Variants in WASHC4 observed in about 807,000 individuals in gnomAD.
WASHC4 encodes WASH complex subunit 7.
In WASHC4, 86 loss-of-function variants were observed where a neutral mutation model predicts 166.6. The observed-to-expected ratio is 0.52, with a 90% CI of 0.43 to 0.62. WASHC4 has a LOEUF of 0.62. Ranked by LOEUF, WASHC4 falls within the 20% of genes least tolerant of loss-of-function variation. The pLI is 0.00. For synonymous variants in WASHC4, 446 were observed against 451.6 expected (o/e 0.99, Z 0.16); for missense variants, 1,262 against 1,382.4 (o/e 0.91, Z 1.38).
rs1880119788 is a variant in WASHC4 at position 105,115,715 on chromosome 12, T to A, written c.422T>A (p.Ile141Asn). 6.2e-7 allele frequency: 1 copy of A among 1,606,074 alleles called. No homozygotes were observed. Among genetic ancestry groups the A allele is most frequent in the African/African-American group, 1.3e-5 (1 of 74,908 alleles). ...TGCCAAATTCAAATGGGGAGATTTA[T>A]TTCATTCTTACAGGTAACTGATTTT... ...GDCQIQMGRF[I>N]SFLQELSCFV... Residue 141 changes from isoleucine (I) to asparagine (N), a missense_variant, in exon 6 of 33, where the codon ATT becomes AAT. By Grantham distance (149) the Ile-to-Asn change is moderately radical. Transcript: ENST00000332180.
intron 13 of WASHC4, among the ~76,000 whole-genome samples, chr12:105,131,500 T>C (rs901584430): frequency 6.6e-6 from 1 of 152,256 alleles, no homozygotes; most frequent in African/African-American, 2.4e-5. Context: ...TACCTAAAGC[T>C]GGCTGAATGC....
At chr12:105,148,404 C>T (rs1883485338) in intron 24 of WASHC4, 1 of 985,324 alleles carries the variant, frequency 1.0e-6, no homozygotes, top group African/African-American at 1.7e-5. Context: ...CTGTGCTGGG[C>T]ACTAGTGTGA....
At chr12:105,119,479 C>T (rs764059698) in intron 7 of WASHC4, among the ~76,000 whole-genome samples, 4 of 152,200 alleles carry the variant, frequency 2.6e-5, no homozygotes, top group Non-Finnish European at 5.9e-5. Context: ...CCAGCACATT[C>T]ATTGTTCTTA....
intron 28 of WASHC4, among the ~76,000 whole-genome samples, chr12:105,158,264 A>G (rs942578929): frequency 1.3e-5 from 2 of 152,226 alleles, no homozygotes; most frequent in African/African-American, 4.8e-5. Flanking sequence ...TTTAGAGAAC[A>G]GAGGATTCAT....
At chr12:105,113,458 G>A (rs552395301) in intron 2 of WASHC4, among the ~76,000 whole-genome samples, 4 of 151,842 alleles carry the variant, frequency 2.6e-5, no homozygotes, top group African/African-American at 9.7e-5. Context: ...CTCCATCTCC[G>A]CAGTTGCTCT....
rs1565997387 is a variant in WASHC4, at chr12:105,120,705, C to CAT, written c.561+108_561+109insAT. The CAT allele has an allele frequency of 1.2e-4, 82 of 698,682 alleles. 1 individual carries two copies. The Middle Eastern group carries it at 3.6e-3, about 30-fold the overall frequency. The allele number at this position is 698,682 out of a possible 1,614,324, so 43.3% of individuals were successfully genotyped here. A position where few individuals can be genotyped will look rare whatever the true frequency, so the allele number is the denominator to read the frequency against. ...AGTCATAGGAACACTCTTAAAGAGGCGTGTGTGTGTGTGTGTGTTTGTGTG... is the reference window on the plus strand; with the variant it reads ...AGTCATAGGAACACTCTTAAAGAGGCATGTGTGTGTGTGTGTGTGTTTGTGTG... On this transcript the variant is annotated intron_variant, in intron 8 of 32. Transcript: ENST00000332180.
At chr12:105,116,549 C>T (rs566024069) in intron 6 of WASHC4, among the ~76,000 whole-genome samples, 2 of 152,152 alleles carry the variant, frequency 1.3e-5, no homozygotes, top group South Asian at 2.1e-4. Context: ...ATCTGATGTA[C>T]AACATGAAGA....
At chr12:105,135,716 A>C (rs1188986423) in intron 14 of WASHC4, among the ~76,000 whole-genome samples, 1 of 151,698 alleles carries the variant, frequency 6.6e-6, no homozygotes, top group Non-Finnish European at 1.5e-5. Context: ...CTGAGTTTTA[A>C]ATTTTAATAA....
intron 7 of WASHC4, 85 bp from the exon 8 acceptor site, chr12:105,120,470 T>A: frequency 1.3e-6 from 1 of 792,806 alleles, no homozygotes; most frequent in East Asian, 2.5e-5. Flanking sequence ...AATTCCAAGA[T>A]CATCTGCTCC....
chr12:105,121,512 T>C (rs10861353), intron 9 of WASHC4, among the ~76,000 whole-genome samples: 14,542 of 152,254 alleles, frequency 0.096, 770 homozygotes, highest in East Asian at 0.23. Context: ...CAGTTTTTTC[T>C]TCTTTTTCTT....
intron 24 of WASHC4, chr12:105,148,977 A>T: frequency 1.0e-6 from 1 of 984,508 alleles, no homozygotes; most frequent in East Asian, 1.1e-4. Context: ...CAAAGCACAC[A>T]TGTACTTAAC....
chr12:105,147,834 G>A (rs1021821335), intron 24 of WASHC4: 6 of 622,466 alleles, frequency 9.6e-6, no homozygotes, highest in Non-Finnish European at 1.2e-5. Flanking sequence ...GAACCTGGGA[G>A]GCAGAGGTTG....
At chr12:105,108,325 G>C (rs556136595) in intron 1 of WASHC4, among the ~76,000 whole-genome samples, 1 of 152,330 alleles carries the variant, frequency 6.6e-6, no homozygotes, top group African/African-American at 2.4e-5. Context: ...ATCAACTTTT[G>C]CAAGTTTGGG....
intron 25 of WASHC4, among the ~76,000 whole-genome samples, chr12:105,150,958 C>T (rs1362465084): frequency 3.3e-5 from 5 of 152,012 alleles, no homozygotes; most frequent in Non-Finnish European, 1.5e-5. Context: ...CAGTTATCTC[C>T]ACCTGGTCCC....
intron 28 of WASHC4, 89 bp downstream of exon 28, chr12:105,157,411 C>G (rs1343613892): frequency 1.2e-5 from 9 of 736,676 alleles, no homozygotes; most frequent in Non-Finnish European, 2.1e-5. Flanking sequence ...TTTTATGCCA[C>G]TGTTTTTATT....
intron 6 of WASHC4, among the ~76,000 whole-genome samples, chr12:105,118,141 T>C (rs1014632761): frequency 6.6e-6 from 1 of 152,196 alleles, no homozygotes; most frequent in African/African-American, 2.4e-5. Flanking sequence ...GCAGTGGATA[T>C]TCAAAGAAGG....
At chr12:105,133,632 A>G (rs1401849439) in intron 13 of WASHC4, 138 bp from the exon 14 acceptor site, 7 of 676,040 alleles carry the variant, frequency 1.0e-5, no homozygotes, top group African/African-American at 7.3e-5. Flanking sequence ...AGTAAATTAT[A>G]TATGTCTATG....
chr12:105,126,929 G>C (rs192289740), intron 12 of WASHC4, among the ~76,000 whole-genome samples, 200 bp from the exon 13 acceptor site: 67 of 152,164 alleles, frequency 4.4e-4, no homozygotes, highest in African/African-American at 1.5e-3. Flanking sequence ...GAATAAAATT[G>C]TCATGCTCAA....
intron 27 of WASHC4, 71 bp downstream of exon 27, chr12:105,156,863 C>T (rs1309252150): frequency 9.4e-7 from 1 of 1,061,800 alleles, no homozygotes; most frequent in Non-Finnish European, 1.5e-6. Context: ...ATATATGTTA[C>T]AAGTGATATT....
Sources: gnomAD v4.1 joint callset for allele counts (sites outside exome capture counted in the v4.1 genomes callset) on GRCh38, gnomAD v4.1.1 for gene constraint, MANE v1.5 for transcripts, NCBI Gene and HGNC (gene_info 2026-07-23, HGNC 2026-07-21) for gene names.